Variants in UBXN11 observed in about 807,000 individuals in gnomAD.
UBXN11 encodes the protein UBX domain protein 11, also known as UBX domain-containing protein 11.
UBXN11 carries 47 observed loss-of-function variants against 62.8 expected under a neutral mutation model. The ratio of observed to expected loss-of-function variants is 0.75; its 90% CI spans 0.59 to 0.95. UBXN11 has a LOEUF of 0.95. Among genes scored for constraint, UBXN11 ranks in the 40% least tolerant of loss-of-function variants. The pLI is 0.00. For synonymous variants in UBXN11, 294 were observed against 267.0 expected, an observed-to-expected ratio of 1.10 and a Z score of -0.99; for missense variants, 638 against 661.7, an observed-to-expected ratio of 0.96 and a Z score of 0.39.
chr1:26,299,583 T>C (rs1306522732), intron 4 of UBXN11, among the ~76,000 whole-genome samples: 1 of 149,842 alleles, frequency 6.7e-6, no homozygotes, highest in African/African-American at 2.5e-5. Context: ...AGACAGAGCC[T>C]AGAAGCAGAG....
chr1:26,306,926 G>C (rs2073685029), upstream of UBXN11: 1 of 150,740 alleles, frequency 6.6e-6, no homozygotes, highest in Non-Finnish European at 1.5e-5. Flanking sequence ...TTCAGGACCT[G>C]AATGTGTGAT....
chr1:26,302,792 C>T, intron 2 of UBXN11, 21 bp downstream of exon 2: 1 of 1,606,876 alleles, frequency 6.2e-7, no homozygotes. Flanking sequence ...GACAGAAAGA[C>T]CCCTGAGGCT....
intron 1 of UBXN11, among the ~76,000 whole-genome samples, chr1:26,316,125 ATTTTTTTT>A (rs57889417): frequency 2.6e-4 from 24 of 91,464 alleles, no homozygotes; most frequent in Non-Finnish European, 4.4e-4. Flanking sequence ...TGCCCGGCTA[ATTTTTTTT>A]TTTTTTTTTT....
intron 10 of UBXN11, 164 bp downstream of exon 10, chr1:26,285,300 C>A (rs997147760): frequency 1.5e-5 from 21 of 1,445,378 alleles, no homozygotes; most frequent in Non-Finnish European, 1.6e-5. Flanking sequence ...CCTCTCCGCT[C>A]CCTTCCCAGC....
At chr1:26,297,779 C>T (rs11583258) in intron 5 of UBXN11, among the ~76,000 whole-genome samples, 183 bp downstream of exon 5, 34,523 of 152,226 alleles carry the variant, frequency 0.23, 4,647 homozygotes, top group Non-Finnish European at 0.3. Flanking sequence ...GAAGACCCCC[C>T]AGCCTCTCGG....
chr1:26,290,724 T>C (rs2073241618), intron 8 of UBXN11, among the ~76,000 whole-genome samples: 1 of 147,550 alleles, frequency 6.8e-6, no homozygotes, highest in African/African-American at 2.5e-5. Flanking sequence ...GGTGGAGCCA[T>C]GGAGGGAGGC....
At chr1:26,291,427 C>T (rs558233244) in intron 8 of UBXN11, among the ~76,000 whole-genome samples, 1 of 152,352 alleles carries the variant, frequency 6.6e-6, no homozygotes, top group Admixed American at 6.5e-5. Context: ...CACGGAGGGA[C>T]CACAGATATG....
chr1:26,285,638 C>G (rs2073113133), intron 9 of UBXN11, 97 bp from the exon 10 acceptor site: 1 of 1,391,524 alleles, frequency 7.2e-7, no homozygotes, highest in Non-Finnish European at 9.6e-7. Context: ...CCAGGGTCAC[C>G]CAGTGCCGCA....
Position 26,282,760 on chromosome 1 carries a change from G to A in UBXN11, c.1181C>T (p.Pro394Leu), listed in dbSNP as rs2073029726. ...RSQESPNTPA[P>L]PLSMLRIKSE... Reference sequence around the variant, plus strand: ...CTTGATGCGCAGCATGGAGAGCGGGGGTGCCGGCGTGTTGGGTGACTCCTG... The same window carrying A: ...CTTGATGCGCAGCATGGAGAGCGGGAGTGCCGGCGTGTTGGGTGACTCCTG... Residue 394 changes from proline to leucine, a missense_variant, in exon 14 of 15, where the codon CCC (proline) becomes CTC (leucine). Pro to Leu is a moderately conservative substitution (Grantham distance 98). Coordinates refer to ENST00000374222, the MANE Select transcript of UBXN11 (RefSeq NM_001389556.1). The A allele has an allele frequency of 6.2e-7, 1 of 1,614,168 alleles. No individual in the cohort carries two copies. Among genetic ancestry groups the A allele is most frequent in the Non-Finnish European group, 8.5e-7 (1 of 1,180,024 alleles).
At chr1:26,300,718 C>A (rs1459765650) in intron 4 of UBXN11, among the ~76,000 whole-genome samples, 1 of 152,178 alleles carries the variant, frequency 6.6e-6, no homozygotes, top group East Asian at 1.9e-4. Flanking sequence ...GGGGCTGGGG[C>A]TGGGGCTGGG....
chr1:26,283,069 T>A, intron 12 of UBXN11, 132 bp from the exon 13 acceptor site: 1 of 1,171,272 alleles, frequency 8.5e-7, no homozygotes, highest in Non-Finnish European at 1.2e-6. Context: ...GTGTTCTGTA[T>A]AAACCAAGGC....
At chr1:26,285,393 G>A (rs778517446) in intron 10 of UBXN11, 71 bp downstream of exon 10, 19 of 1,569,546 alleles carry the variant, frequency 1.2e-5, no homozygotes, top group Admixed American at 3.8e-5. Flanking sequence ...AATGGGAGGT[G>A]TCTGGGGAGG....
chr1:26,302,842 C>T lies in UBXN11; in HGVS notation c.42G>A (p.Val14=). 6.2e-7 allele frequency: 1 copy of T among 1,613,848 alleles called. No individual in the cohort carries two copies. The highest frequency in any genetic ancestry group is 8.5e-7 in the Non-Finnish European group (1 of 1,179,856). Residue 14 remains valine (V), a synonymous_variant, in exon 2 of 15, where the codon GTG becomes GTA. Coordinates refer to ENST00000374222, the MANE Select transcript of UBXN11 (RefSeq NM_001389556.1). ...GATTCATAGGCTCCGAGGGCAGGGGCACTTTTCGGGTCTTGCTAAGGGAGG... is the reference window on the plus strand; with the variant it reads ...GATTCATAGGCTCCGAGGGCAGGGGTACTTTTCGGGTCTTGCTAAGGGAGG... ...PLASLSKTRK[V]PLPSEPMNPG...
intron 7 of UBXN11, among the ~76,000 whole-genome samples, chr1:26,296,079 C>G (rs2073384629): frequency 6.6e-6 from 1 of 152,348 alleles, no homozygotes; most frequent in South Asian, 2.1e-4. Context: ...ACTTTGGAAA[C>G]CAATTCTGCG....
Position 26,302,815 on chromosome 1 carries a change from A to G in UBXN11, c.69T>C (p.Pro23=), listed in dbSNP as rs370215004. The G allele has an allele frequency of 4.6e-5, 75 of 1,613,648 alleles. No individual in the cohort carries two copies. In the African/African-American group the frequency reaches 9.3e-4, roughly 20 times the overall value. ...KVPLPSEPMN[P]GRRGIRIYGD... is the part of the protein sequence containing the mutation. ...GACCCCTGAGGCTGGCTCCTTACCCAGGATTCATAGGCTCCGAGGGCAGGG... is the reference window on the plus strand; with the variant it reads ...GACCCCTGAGGCTGGCTCCTTACCCGGGATTCATAGGCTCCGAGGGCAGGG... Residue 23 remains proline, a splice_region_variant and synonymous_variant, in exon 2 of 15, where the codon CCT becomes CCC. Transcript: ENST00000374222.
upstream of UBXN11, among the ~76,000 whole-genome samples, chr1:26,311,468 G>A (rs2073744042): frequency 1.3e-5 from 2 of 150,816 alleles, no homozygotes; most frequent in East Asian, 3.9e-4. Flanking sequence ...TTGAGATGGA[G>A]TCTCACACTC....
At chr1:26,289,760 G>A (rs1268269791) in intron 8 of UBXN11, among the ~76,000 whole-genome samples, 2 of 152,196 alleles carry the variant, frequency 1.3e-5, no homozygotes, top group Non-Finnish European at 2.9e-5. Flanking sequence ...ATGCTCAGTG[G>A]AGAGGTGGCA....
At chr1:26,317,176 G>A (rs2073804037) in intron 1 of UBXN11, among the ~76,000 whole-genome samples, 1 of 151,810 alleles carries the variant, frequency 6.6e-6, no homozygotes, top group Admixed American at 6.6e-5. Context: ...AGGAGGTGGA[G>A]GTTGCAGTAA....
At chr1:26,300,633 G>A (rs1189910582) in intron 4 of UBXN11, among the ~76,000 whole-genome samples, 1 of 75,992 alleles carries the variant, frequency 1.3e-5, no homozygotes, top group African/African-American at 4.2e-5. Flanking sequence ...TCTACCCTCA[G>A]ACTTCATCCC....
Sources: gnomAD v4.1 joint callset for allele counts (sites outside exome capture counted in the v4.1 genomes callset) on GRCh38, gnomAD v4.1.1 for gene constraint, MANE v1.5 for transcripts, NCBI Gene and HGNC (gene_info 2026-07-23, HGNC 2026-07-21) for gene names.